CLIP4: variants seen among roughly 807,000 people sequenced by gnomAD.
The protein encoded by CLIP4 is CAP-Gly domain containing linker protein family member 4, also known as CAP-Gly domain-containing linker protein 4.
In CLIP4, 47 loss-of-function variants were observed where a neutral mutation model predicts 73.1. The ratio of observed to expected loss-of-function variants is 0.64; its 90% confidence interval spans 0.51 to 0.82. The LOEUF (loss-of-function observed/expected upper bound fraction) is 0.82, where lower values mean the gene tolerates loss of function less well. Ranked by LOEUF, CLIP4 falls within the 40% of genes least tolerant of loss-of-function variation. The probability of loss-of-function intolerance (pLI) is 0.00; values close to 1 mark genes in which losing one functional copy is unlikely to be tolerated. For missense variants in CLIP4, 874 were observed against 852.9 expected, an observed-to-expected ratio of 1.02 and a Z score of -0.31; for synonymous variants, 306 against 295.4, an observed-to-expected ratio of 1.04 and a Z score of -0.37.
chr2:29,173,518 G>A (rs750333546), intron 14 of CLIP4, among the ~76,000 whole-genome samples: 4 of 152,188 alleles, frequency 2.6e-5, no homozygotes, highest in South Asian at 4.1e-4. Context: ...GGAATTCAGC[G>A]GAAAGCCTGC....
At chr2:29,140,224 C>T (rs1665664644) in intron 6 of CLIP4, among the ~76,000 whole-genome samples, 1 of 152,104 alleles carries the variant, frequency 6.6e-6, no homozygotes, top group Non-Finnish European at 1.5e-5. Context: ...AGCTATCCCT[C>T]CCCTCTCCTC....
At chr2:29,145,136 T>TCAC in intron 7 of CLIP4, 96 bp from the exon 8 acceptor site, 1 of 1,063,086 alleles carries the variant, frequency 9.4e-7, no homozygotes, top group South Asian at 1.9e-5. Context: ...GAGAGTGAAT[T>TCAC]TTTAAAAACT....
intron 2 of CLIP4, among the ~76,000 whole-genome samples, chr2:29,129,086 A>T (rs1001720966): frequency 6.6e-6 from 1 of 152,190 alleles, no homozygotes; most frequent in African/African-American, 2.4e-5. Flanking sequence ...CGAAAATTTC[A>T]TGAGACATTA....
At chr2:29,135,752 A>G in intron 6 of CLIP4, 86 bp downstream of exon 6, 1 of 880,564 alleles carries the variant, frequency 1.1e-6, no homozygotes, top group East Asian at 2.8e-5. Context: ...AATGTTATTA[A>G]TAGAAGAACT....
intron 10 of CLIP4, among the ~76,000 whole-genome samples, chr2:29,156,659 A>C (rs1666944802): frequency 6.6e-6 from 1 of 152,204 alleles, no homozygotes; most frequent in Non-Finnish European, 1.5e-5. Context: ...TCTTTTACTT[A>C]AATTAGATAA....
In CLIP4 at chr2:29,163,959, G is replaced by T. The variant is rs1427192927; in HGVS notation, c.1658+5G>T. ...TCCCCCATCCAGGGTGCAAAGGTGA[G>T]AGAATGAAATTTATGTTTATTTACA... On this transcript the variant is annotated splice_donor_5th_base_variant and intron_variant, in intron 13 of 15. Transcript: ENST00000320081. 1.2e-6 allele frequency: 2 copies of T among 1,608,742 alleles called. No individual in the cohort carries two copies. The highest frequency in any genetic ancestry group is 1.7e-6 in the Non-Finnish European group (2 of 1,177,980).
intron 11 of CLIP4, among the ~76,000 whole-genome samples, chr2:29,158,538 GAT>G (rs1667085983): frequency 6.6e-6 from 1 of 152,156 alleles, no homozygotes. Context: ...GAGAATGGGA[GAT>G]ATGGGAAAGT....
intron 1 of CLIP4, among the ~76,000 whole-genome samples, chr2:29,104,035 C>T (rs370751149): frequency 4.6e-5 from 7 of 151,960 alleles, no homozygotes; most frequent in Admixed American, 3.3e-4. Context: ...AACTGAGGCC[C>T]GCATCCCAGG....
At chr2:29,115,021 G>C (rs2148446673), upstream of CLIP4, 1 of 152,668 alleles carries the variant, frequency 6.6e-6, no homozygotes, top group East Asian at 1.9e-4. The surrounding 1 kb of genome is among the most constrained non-coding windows in gnomAD (Gnocchi z 5.1). Context: ...CAAAGCCGCA[G>C]GAGATATGAA....
At position 29,133,667 on chromosome 2, in the gene CLIP4, CA is replaced by C. The variant is rs1455538261; in HGVS notation, c.381del (p.Ala128LeufsTer2). On this transcript the variant is annotated frameshift_variant, in exon 5 of 16. Coordinates refer to ENST00000320081, the MANE Select transcript of CLIP4 (RefSeq NM_024692.6). LOFTEE classifies it high-confidence loss of function. The stretch of plus-strand genomic sequence containing the variant: ...AAATCTTCTTTAGGTGATGTGGAAA[CA>C]GCTGTAAAATTTGCAACTCAGCTTA... Reference protein sequence around the residue: ...SGAHGIGDVETAVKFATQLID... With the variant: ...SGAHGIGDVEXAVKFATQLID... The C allele has an allele frequency of 6.2e-7, 1 of 1,606,338 alleles. No individual in the cohort carries two copies. The highest frequency in any genetic ancestry group is 1.3e-5 in the African/African-American group (1 of 74,402).
intron 1 of CLIP4, among the ~76,000 whole-genome samples, chr2:29,098,810 A>G (rs1378557675): frequency 6.6e-6 from 1 of 152,208 alleles, no homozygotes; most frequent in Non-Finnish European, 1.5e-5. Flanking sequence ...GAGGACTTAT[A>G]ATTTTGCATT....
At chr2:29,130,997 G>A (rs1664933256) in intron 2 of CLIP4, 3 of 1,022,048 alleles carry the variant, frequency 2.9e-6, no homozygotes, top group Non-Finnish European at 1.3e-6. Context: ...TGTTGAGCTG[G>A]TATTATTTAG....
intron 2 of CLIP4, among the ~76,000 whole-genome samples, chr2:29,125,268 A>T (rs1429895050): frequency 6.6e-6 from 1 of 152,196 alleles, no homozygotes; most frequent in African/African-American, 2.4e-5. Flanking sequence ...TGTGTGAATT[A>T]TGAGGATTCT....
chr2:29,140,281 C>T (rs1437506179), intron 6 of CLIP4, among the ~76,000 whole-genome samples: 2 of 152,080 alleles, frequency 1.3e-5, no homozygotes, highest in Non-Finnish European at 2.9e-5. Flanking sequence ...TTCCTGTGTC[C>T]ATGTGTTCTC....
At chr2:29,116,401 A>G (rs1194450591) in intron 1 of CLIP4, among the ~76,000 whole-genome samples, 1 of 152,206 alleles carries the variant, frequency 6.6e-6, no homozygotes, top group African/African-American at 2.4e-5. Context: ...GAGATACTAG[A>G]CTGCGTTCAT....
chr2:29,097,877 G>A (rs1256219707), exon 1 of CLIP4: 1 of 152,176 alleles, frequency 6.6e-6, no homozygotes, highest in African/African-American at 2.4e-5. Context: ...TGTACTCTTG[G>A]TGAGAAAGAC....
rs1021099905 is a variant in CLIP4 at position 29,115,803 on chromosome 2, G to C, written c.-16+138G>C. The C allele has an allele frequency of 2.6e-5, 4 of 151,518 alleles. No individual in the cohort carries two copies. Among genetic ancestry groups the C allele is most frequent in the African/African-American group, 9.7e-5 (4 of 41,330 alleles). 9.4% of individuals were successfully genotyped at this position (151,518 alleles called of 1,614,324 possible). On this transcript the variant is annotated intron_variant, in intron 1 of 15. Transcript: ENST00000320081. This position sits in a 1 kb window ranked among gnomAD's most constrained non-coding sequence, Gnocchi z 5.1. ...TCGCGCAGAGGCGCTGGGGGCTGTGGAAGCCCCGCGGCCGCCTCCCGTGGG... is the reference window on the plus strand; with the variant it reads ...TCGCGCAGAGGCGCTGGGGGCTGTGCAAGCCCCGCGGCCGCCTCCCGTGGG...
At chr2:29,165,019 G>A (rs938160673) in intron 13 of CLIP4, among the ~76,000 whole-genome samples, 9 of 152,210 alleles carry the variant, frequency 5.9e-5, no homozygotes, top group Non-Finnish European at 8.8e-5. Flanking sequence ...TTTAGTGAGT[G>A]GGTGGGCTCT....
At chr2:29,122,694 G>A (rs915246561) in intron 2 of CLIP4, among the ~76,000 whole-genome samples, 2 of 151,954 alleles carry the variant, frequency 1.3e-5, no homozygotes, top group Non-Finnish European at 2.9e-5. Context: ...AGGCATGGTG[G>A]TGTGCGCCTA....
Sources: allele counts gnomAD v4.1 joint callset (sites outside exome capture counted in the v4.1 genomes callset), GRCh38; gene constraint gnomAD v4.1.1; non-coding constraint Gnocchi (gnomAD v3.1); transcripts MANE v1.5; gene names NCBI Gene and HGNC (gene_info 2026-07-23, HGNC 2026-07-21).